PDE4DIP: variants seen among roughly 807,000 people sequenced by gnomAD.
PDE4DIP encodes the protein phosphodiesterase 4D interacting protein.
Under a neutral mutation model 221.4 loss-of-function variants are expected in PDE4DIP, and 59 were observed. The ratio of observed to expected loss-of-function variants is 0.27; its 90% CI spans 0.22 to 0.33. The LOEUF (loss-of-function observed/expected upper bound fraction) is 0.33, where lower values mean the gene tolerates loss of function less well. Among genes scored for constraint, PDE4DIP ranks in the 10% least tolerant of loss-of-function variants. The probability of loss-of-function intolerance (pLI) is 1.00; values close to 1 mark genes in which losing one functional copy is unlikely to be tolerated. For synonymous variants in PDE4DIP, 404 were observed against 815.9 expected (o/e 0.50, Z 8.60); for missense variants, 1,036 against 2,154.2 (o/e 0.48, Z 10.28).
exon 44 of PDE4DIP, chr1:149,032,843 G>T (rs1055474): frequency 1.6e-3 from 329 of 207,714 alleles, no homozygotes; most frequent in Non-Finnish European, 2.4e-3. Flanking sequence ...TCTTCACAGT[G>T]CTGGTAGAAT....
At position 149,010,567 on chromosome 1, in the gene PDE4DIP, C is replaced by A. The variant is rs587597647; in HGVS notation, c.5052C>A (p.Thr1684=). ...TCAGCTTGCCAACTCCCCAGAATAC[C>A]CCCAAGGAGGCCAACCAGGCCCATT... The change falls in exon 31 of 44, where the codon ACC becomes ACA. Residue 1684 remains threonine, a synonymous_variant. Transcript: ENST00000369354. 4.5e-5 allele frequency: 73 copies of A among 1,614,102 alleles called. No individual in the cohort carries two copies. The East Asian group carries it at 1.6e-3, about 35-fold the overall frequency.
chr1:149,009,690 G>T, exon 30 of PDE4DIP: 1 of 1,614,164 alleles, frequency 6.2e-7, no homozygotes, highest in Non-Finnish European at 8.5e-7. Flanking sequence ...TCTCCCAGCA[G>T]CACCTCTTTC....
At chr1:148,930,516 C>CAAAAAAAAA (rs60104509) in intron 2 of PDE4DIP, 1 of 129,046 alleles carries the variant, frequency 7.7e-6, no homozygotes, top group African/African-American at 2.9e-5. Flanking sequence ...GACTCCGTCT[C>CAAAAAAAAA]AAAAAAAAAA....
At chr1:148,954,587 A>T (rs1553499937) in intron 5 of PDE4DIP, among the ~76,000 whole-genome samples, 1 of 152,150 alleles carries the variant, frequency 6.6e-6, no homozygotes, top group Non-Finnish European at 1.5e-5. Flanking sequence ...CACAGCCAGA[A>T]CTCTACTGAG....
intron 34 of PDE4DIP, 120 bp downstream of exon 37, chr1:149,017,999 G>C (rs1553613676): frequency 1.2e-6 from 1 of 806,586 alleles, no homozygotes; most frequent in Non-Finnish European, 2.0e-6. Flanking sequence ...AGGTGGGCAA[G>C]TACTGTCATC....
intron 5 of PDE4DIP, among the ~76,000 whole-genome samples, chr1:148,949,144 G>C (rs1384919801): frequency 6.6e-6 from 1 of 151,764 alleles, no homozygotes; most frequent in Non-Finnish European, 1.5e-5. Context: ...CTTTTTCTTA[G>C]TAACAATTAT....
chr1:149,030,397 G>A, intron 43 of PDE4DIP, 119 bp downstream of exon 46: 1 of 1,521,260 alleles, frequency 6.6e-7, no homozygotes, highest in Non-Finnish European at 8.8e-7. Flanking sequence ...AAGACTTGGG[G>A]TCCACTTGCA....
At chr1:148,989,627 G>A (rs1475911152) in intron 21 of PDE4DIP, among the ~76,000 whole-genome samples, 22 of 152,194 alleles carry the variant, frequency 1.4e-4, no homozygotes, top group Non-Finnish European at 2.8e-4. Context: ...AGGGGATGAG[G>A]ATCCTGACCT....
At chr1:148,990,141 C>G in intron 21 of PDE4DIP, 1 of 812,516 alleles carries the variant, frequency 1.2e-6, no homozygotes, top group Non-Finnish European at 1.5e-6. Flanking sequence ...CTTAGCACTT[C>G]CATGAGATCA....
intron 1 of PDE4DIP, among the ~76,000 whole-genome samples, chr1:148,918,624 C>T (rs1553460107): frequency 2.2e-3 from 155 of 70,140 alleles, no homozygotes; most frequent in African/African-American, 8.1e-3. Context: ...TCTCTCTCTA[C>T]ACACACACAC....
chr1:149,019,879 C>G (rs1368010292), intron 35 of PDE4DIP, among the ~76,000 whole-genome samples: 2 of 151,994 alleles, frequency 1.3e-5, no homozygotes, highest in Admixed American at 6.6e-5. Flanking sequence ...TATGTGAGCA[C>G]TTGGAAAGTG....
intron 1 of PDE4DIP, among the ~76,000 whole-genome samples, chr1:148,829,017 AACACACACACACAC>A (rs5777522): frequency 3.6e-4 from 52 of 143,216 alleles, no homozygotes; most frequent in African/African-American, 6.4e-4. Flanking sequence ...TTCCTGCATA[AACACACACACACAC>A]ACACACACAC....
intron 23 of PDE4DIP, among the ~76,000 whole-genome samples, chr1:149,000,777 A>G (rs587749793): frequency 1.3e-5 from 2 of 151,402 alleles, no homozygotes; most frequent in South Asian, 4.3e-4. Context: ...AGCATCTGCT[A>G]ACTCTACTAG....
chr1:149,007,417 C>T (rs1449013770), exon 28 of PDE4DIP: 2 of 766,862 alleles, frequency 2.6e-6, no homozygotes, highest in East Asian at 5.4e-5. Context: ...CAGAGAGGCT[C>T]ACCAGCAAAC....
intron 41 of PDE4DIP, 107 bp from the exon 45 acceptor site, chr1:149,029,680 A>G (rs2076142796): frequency 8.0e-6 from 6 of 754,224 alleles, no homozygotes; most frequent in Middle Eastern, 3.9e-4. Context: ...CCAGTTCAAG[A>G]GAGTTGAGAA....
rs781903764 is a variant in PDE4DIP, at chr1:149,017,927, T to C, written c.5650+48T>C. 8 of 1,506,746 alleles carry C rather than the reference T, an allele frequency of 5.3e-6. No individual in the cohort carries two copies. In the East Asian group the frequency reaches 1.8e-4, roughly 34 times the overall value. The allele number at this position is 1,506,746 out of a possible 1,614,324, so 93.3% of individuals were successfully genotyped here. ...TGTTTCTGGCTCTATTTAGGGACTT[T>C]TAGGCAGAGCTTCACAGATATTCTT... is the stretch of plus-strand genomic sequence containing the variant. On this transcript the variant is annotated intron_variant, in intron 34 of 43. Transcript: ENST00000369354.
chr1:148,965,608 A>G (rs370258706), exon 10 of PDE4DIP: 6 of 1,000,316 alleles, frequency 6.0e-6, no homozygotes, highest in Non-Finnish European at 9.6e-6. Flanking sequence ...CAGCACCTAA[A>G]CCATAGTCTG....
intron 37 of PDE4DIP, among the ~76,000 whole-genome samples, chr1:149,023,462 C>T (rs1374023394): frequency 3.4e-5 from 5 of 145,890 alleles, no homozygotes; most frequent in South Asian, 2.2e-4. Flanking sequence ...ATTGTAGCCT[C>T]GTAGAATATT....
intron 1 of PDE4DIP, among the ~76,000 whole-genome samples, chr1:148,923,609 G>A (rs4649717): frequency 4.8e-5 from 7 of 144,908 alleles, no homozygotes; most frequent in Admixed American, 6.8e-5. Flanking sequence ...AAGTAGCTGG[G>A]ACTACAGGAG....
Sources: allele counts gnomAD v4.1 joint callset (sites outside exome capture counted in the v4.1 genomes callset), GRCh38; gene constraint gnomAD v4.1.1; transcripts MANE v1.5; gene names NCBI Gene and HGNC (gene_info 2026-07-23, HGNC 2026-07-21).